Variants in CASTOR2 observed in about 807,000 individuals in gnomAD.
CASTOR2 encodes cytosolic arginine sensor for mTORC1 subunit 2, also known as GATS protein like 2.
A neutral mutation model predicts 31.2 loss-of-function variants in CASTOR2; 8 were observed. That is an observed-to-expected ratio of 0.26 (90% confidence interval 0.15 to 0.46). The LOEUF is 0.46. CASTOR2 is among the 20% of genes least tolerant of loss of function. The pLI, the probability that CASTOR2 is intolerant of heterozygous loss-of-function variation, is 0.99. For missense variants in CASTOR2, 216 were observed against 382.1 expected (o/e 0.57, Z 3.62); for synonymous variants, 162 against 158.7 (o/e 1.02, Z -0.16).
chr7:75,021,440 T>C (rs1202954864), intron 6 of CASTOR2, among the ~76,000 whole-genome samples: 4 of 152,150 alleles, frequency 2.6e-5, no homozygotes, highest in African/African-American at 9.7e-5. Flanking sequence ...TTGTCTCTAA[T>C]AAACCCTCAC....
In CASTOR2 at chr7:75,026,550, C is replaced by T. The variant is rs892082242; in HGVS notation, c.*1851C>T. Among the ~76,000 whole-genome samples the T allele has an allele frequency of 6.6e-6, 1 of 152,134 alleles. No homozygotes were observed. The highest frequency in any genetic ancestry group is 2.4e-5 in the African/African-American group (1 of 41,422). On this transcript the variant is annotated 3_prime_UTR_variant, in exon 9 of 9. Transcript: ENST00000616305. Reference sequence around the variant, plus strand: ...TATTTTCTAGTCCTGACAAAGTGTTCCCTGCTTCTCTGAGTGGGACCCTCT... The same window carrying T: ...TATTTTCTAGTCCTGACAAAGTGTTTCCTGCTTCTCTGAGTGGGACCCTCT...
At chr7:75,008,691 A>G (rs1338776174) in intron 2 of CASTOR2, among the ~76,000 whole-genome samples, 12 of 152,132 alleles carry the variant, frequency 7.9e-5, no homozygotes, top group African/African-American at 2.2e-4. Flanking sequence ...GCGAAACTCT[A>G]TCTCTTAAAA....
intron 1 of CASTOR2, among the ~76,000 whole-genome samples, chr7:74,986,132 G>A (rs1421388591): frequency 5.9e-5 from 9 of 151,980 alleles, no homozygotes; most frequent in Non-Finnish European, 1.0e-4. Flanking sequence ...GTTTCGCCAC[G>A]TTGGCCAGGC....
intron 6 of CASTOR2, 83 bp from the exon 7 acceptor site, chr7:75,021,791 C>G: frequency 6.6e-7 from 1 of 1,512,752 alleles, no homozygotes; most frequent in South Asian, 1.2e-5. Context: ...CCCCATGCCT[C>G]GCTCTGGCTG....
rs1400708391 is a variant in CASTOR2 at position 75,007,849 on chromosome 7, T to G, written c.114-145T>G. 6.2e-5 allele frequency: 63 copies of G among 1,022,846 alleles called. 1 individual carries two copies. In the South Asian group the frequency reaches 6.6e-4, roughly 11 times the overall value. 63.4% of individuals were successfully genotyped at this position (1,022,846 alleles called of 1,614,324 possible). A position where few individuals can be genotyped will look rare whatever the true frequency, so the allele number is the denominator to read the frequency against. On this transcript the variant is annotated intron_variant, in intron 1 of 8. Transcript: ENST00000616305. ...GAGTAGGGGGACATGAAGGGAGAGA[T>G]AAACAACTTACCCGCGGTCACCCCA...
At chr7:75,000,678 G>T (rs1246031750) in intron 1 of CASTOR2, among the ~76,000 whole-genome samples, 15 of 152,060 alleles carry the variant, frequency 9.9e-5, no homozygotes, top group Admixed American at 3.9e-4. Context: ...TTGTTTTTGA[G>T]ATGGAGTCTC....
At chr7:75,001,850 G>A (rs1279457972) in intron 1 of CASTOR2, among the ~76,000 whole-genome samples, 2,102 of 152,238 alleles carry the variant, frequency 0.014, 60 homozygotes, top group African/African-American at 0.048. Flanking sequence ...ACTGTCATGC[G>A]CAGTTGGATG....
At chr7:75,006,601 GC>G (rs1255982834) in intron 1 of CASTOR2, among the ~76,000 whole-genome samples, 3 of 152,088 alleles carry the variant, frequency 2.0e-5, no homozygotes, top group African/African-American at 7.2e-5. Context: ...ATATGGTTTG[GC>G]TGTGTCCCAC....
At chr7:75,023,699 C>T (rs966201625) in intron 7 of CASTOR2, among the ~76,000 whole-genome samples, 19 of 152,114 alleles carry the variant, frequency 1.2e-4, no homozygotes, top group African/African-American at 4.3e-4. Flanking sequence ...CTCGGCCTCC[C>T]AAAGTGCTGG....
At chr7:75,001,101 G>A (rs1284512222) in intron 1 of CASTOR2, among the ~76,000 whole-genome samples, 1 of 152,034 alleles carries the variant, frequency 6.6e-6, no homozygotes, top group African/African-American at 2.4e-5. Context: ...TTTTAAGACA[G>A]GATCTCACTG....
At position 75,021,928 on chromosome 7, in the gene CASTOR2, C is replaced by G; in HGVS notation, c.801C>G (p.Val267=). The G allele has an allele frequency of 6.4e-7, 1 of 1,551,784 alleles. No homozygotes were observed. The highest frequency in any genetic ancestry group is 8.7e-7 in the Non-Finnish European group (1 of 1,146,876). ...TSASGELWKM[V]RIGGQPLGFD... ...CATCCGGAGAGCTCTGGAAGATGGT[C>G]CGGATTGGAGGACAGCCCCTGGGGT... The change falls in exon 7 of 9, where the codon GTC becomes GTG. Residue 267 remains valine, a synonymous_variant. Transcript: ENST00000616305.
intron 7 of CASTOR2, among the ~76,000 whole-genome samples, chr7:75,023,538 G>A (rs1312509318): frequency 6.7e-6 from 1 of 148,716 alleles, no homozygotes; most frequent in Non-Finnish European, 1.5e-5. Flanking sequence ...CAATGGCGCA[G>A]TCTTCGCCTC....
intron 1 of CASTOR2, among the ~76,000 whole-genome samples, chr7:74,990,281 G>A (rs1270566405): frequency 6.6e-6 from 1 of 151,876 alleles, no homozygotes; most frequent in Non-Finnish European, 1.5e-5. Context: ...CCAGCTACTC[G>A]GGAGGCTGAG....
chr7:75,009,205 C>A (rs1159813912), intron 2 of CASTOR2, among the ~76,000 whole-genome samples: 3 of 150,852 alleles, frequency 2.0e-5, no homozygotes, highest in Non-Finnish European at 2.9e-5. Context: ...ATCCACCCGC[C>A]TCGTCCTCCC....
Position 75,027,792 on chromosome 7 carries a change from C to T in CASTOR2, c.*3093C>T, listed in dbSNP as rs1805179731. ...TGTAAAGCTTGGTTTATCTTCTCGGCGTTCTGTGTGTAGCGTAGTCTTGGT... is the reference window on the plus strand; with the variant it reads ...TGTAAAGCTTGGTTTATCTTCTCGGTGTTCTGTGTGTAGCGTAGTCTTGGT... On this transcript the variant is annotated 3_prime_UTR_variant, in exon 9 of 9. Coordinates refer to ENST00000616305, the MANE Select transcript of CASTOR2 (RefSeq NM_001145064.3). 4 of 562,250 alleles carry T rather than the reference C, an allele frequency of 7.1e-6. No individual in the cohort carries two copies. Among genetic ancestry groups the T allele is most frequent in the South Asian group, 2.0e-5 (1 of 49,176 alleles). The allele number at this position is 562,250 out of a possible 1,614,324, so 34.8% of individuals were successfully genotyped here.
chr7:75,026,117 G>A lies in CASTOR2; in HGVS notation c.*1418G>A, dbSNP rs1805121419. Among the ~76,000 whole-genome samples, 2 of 151,940 alleles carry A rather than the reference G, an allele frequency of 1.3e-5. No homozygotes were observed. The highest frequency in any genetic ancestry group is 1.5e-5 in the Non-Finnish European group (1 of 68,006). The stretch of plus-strand genomic sequence containing the variant: ...TCCAGGAGGCATGGGGTTAGCCGTG[G>A]TGTCCCTTCCAGTGGGGTGGTTTTC... On this transcript the variant is annotated 3_prime_UTR_variant, in exon 9 of 9. Coordinates refer to ENST00000616305, the MANE Select transcript of CASTOR2 (RefSeq NM_001145064.3).
intron 1 of CASTOR2, among the ~76,000 whole-genome samples, chr7:75,001,362 G>A (rs1258873258): frequency 6.6e-5 from 10 of 152,190 alleles, no homozygotes; most frequent in Non-Finnish European, 1.2e-4. Context: ...ACAGATGTGA[G>A]CCACTGCGCC....
intron 1 of CASTOR2, among the ~76,000 whole-genome samples, chr7:74,985,448 A>C (rs1433226313): frequency 1.3e-5 from 2 of 151,820 alleles, no homozygotes; most frequent in African/African-American, 4.8e-5. Context: ...GGGCATGGTG[A>C]TTCCTGCCTG....
At chr7:74,975,646 C>T (rs1315523146) in intron 1 of CASTOR2, among the ~76,000 whole-genome samples, 7 of 108,380 alleles carry the variant, frequency 6.5e-5, no homozygotes, top group African/African-American at 1.8e-4. Flanking sequence ...AAGCCGAGAT[C>T]GCGCCACTGC....
Sources: allele counts gnomAD v4.1 joint callset (sites outside exome capture counted in the v4.1 genomes callset), GRCh38; gene constraint gnomAD v4.1.1; transcripts MANE v1.5; gene names NCBI Gene and HGNC (gene_info 2026-07-23, HGNC 2026-07-21).